The following TBC1D15 variants were observed in gnomAD, a reference collection of about 807,000 sequenced individuals.
TBC1D15 encodes TBC1 domain family member 15.
Under a neutral mutation model 95.4 loss-of-function variants are expected in TBC1D15, and 39 were observed. The observed-to-expected ratio is 0.41, with a 90% confidence interval of 0.32 to 0.53. The LOEUF (loss-of-function observed/expected upper bound fraction) is 0.53, where lower values mean the gene tolerates loss of function less well. TBC1D15 is among the 20% of genes least tolerant of loss of function. The pLI is 0.29. For missense variants in TBC1D15, 733 were observed against 794.3 expected (o/e 0.92, Z 0.93); for synonymous variants, 258 against 261.3 (o/e 0.99, Z 0.12).
intron 11 of TBC1D15, 112 bp downstream of exon 11, chr12:71,907,250 A>C (rs1900946768): frequency 1.6e-6 from 1 of 618,180 alleles, no homozygotes; most frequent in African/African-American, 1.9e-5. Context: ...GTTTTAAGAG[A>C]ATTTGTTCTC....
intron 8 of TBC1D15, 71 bp downstream of exon 8, chr12:71,896,146 C>T (rs1358387703): frequency 4.0e-5 from 50 of 1,265,146 alleles, no homozygotes; most frequent in African/African-American, 1.9e-4. Flanking sequence ...GTTATCGTTA[C>T]TGTTTTGGTG....
chr12:71,859,370 C>T (rs542984537), intron 1 of TBC1D15, among the ~76,000 whole-genome samples: 3 of 152,084 alleles, frequency 2.0e-5, no homozygotes, highest in South Asian at 4.2e-4. Flanking sequence ...GTATAGTTTG[C>T]AGGTATTTTC....
intron 16 of TBC1D15, among the ~76,000 whole-genome samples, chr12:71,922,151 C>T (rs886888635): frequency 1.3e-5 from 2 of 152,160 alleles, no homozygotes. Context: ...GTGGCGTGAC[C>T]TCGGCTCACT....
At chr12:71,889,486 T>C (rs1592768655) in intron 5 of TBC1D15, among the ~76,000 whole-genome samples, 1 of 152,334 alleles carries the variant, frequency 6.6e-6, no homozygotes, top group East Asian at 1.9e-4. Flanking sequence ...AAATATATTA[T>C]GCCATGTAGC....
At chr12:71,849,239 C>A in intron 1 of TBC1D15, 2 of 551,526 alleles carry the variant, frequency 3.6e-6, no homozygotes, top group Non-Finnish European at 3.3e-6. Context: ...TGTTAGGATA[C>A]TCCTGCCTGA....
intron 3 of TBC1D15, among the ~76,000 whole-genome samples, chr12:71,876,177 A>G (rs1414764558): frequency 6.6e-6 from 1 of 152,176 alleles, no homozygotes; most frequent in Non-Finnish European, 1.5e-5. Flanking sequence ...AAGTTTTATT[A>G]TGGAAAACAG....
chr12:71,877,204 G>GTTT (rs775138713), intron 3 of TBC1D15, among the ~76,000 whole-genome samples: 30 of 140,544 alleles, frequency 2.1e-4, no homozygotes, highest in South Asian at 4.7e-4. Context: ...GTGTGTGTGT[G>GTTT]TGTGTGTTTT....
chr12:71,872,871 A>G, intron 2 of TBC1D15, 58 bp from the exon 3 acceptor site: 1 of 1,281,536 alleles, frequency 7.8e-7, no homozygotes. Context: ...AGGGAATAAA[A>G]TAATTAAGAA....
At chr12:71,856,748 T>C (rs1889172627) in intron 1 of TBC1D15, among the ~76,000 whole-genome samples, 1 of 152,166 alleles carries the variant, frequency 6.6e-6, no homozygotes, top group East Asian at 1.9e-4. Flanking sequence ...ATACTACAGA[T>C]TGGGATGCAA....
At chr12:71,875,910 G>C (rs989538192) in intron 3 of TBC1D15, among the ~76,000 whole-genome samples, 8 of 151,952 alleles carry the variant, frequency 5.3e-5, no homozygotes, top group Non-Finnish European at 1.5e-5. Flanking sequence ...CGATTTTTCT[G>C]CCTCAGCCTC....
chr12:71,868,024 T>G (rs1281313768), intron 1 of TBC1D15, among the ~76,000 whole-genome samples: 2 of 152,226 alleles, frequency 1.3e-5, no homozygotes, highest in Non-Finnish European at 2.9e-5. Flanking sequence ...CTATTACAAA[T>G]TAATAAATTT....
chr12:71,876,302 AT>A (rs1232211787), intron 3 of TBC1D15, among the ~76,000 whole-genome samples: 6 of 150,866 alleles, frequency 4.0e-5, no homozygotes, highest in East Asian at 1.9e-4. Flanking sequence ...TAACACTGCT[AT>A]TTTTTTTTCC....
At chr12:71,902,356 C>T (rs1209170318) in intron 10 of TBC1D15, among the ~76,000 whole-genome samples, 1 of 152,190 alleles carries the variant, frequency 6.6e-6, no homozygotes, top group East Asian at 1.9e-4. Context: ...ACTAAAACAG[C>T]ATAGTCCTGG....
intron 12 of TBC1D15, among the ~76,000 whole-genome samples, chr12:71,916,981 AAAT>A (rs1903852012): frequency 1.3e-5 from 2 of 151,602 alleles, no homozygotes; most frequent in African/African-American, 4.9e-5. Flanking sequence ...TTAATTCATT[AAAT>A]AACAACACAT....
At chr12:71,909,345 T>A (rs1901599461) in intron 11 of TBC1D15, among the ~76,000 whole-genome samples, 1 of 152,210 alleles carries the variant, frequency 6.6e-6, no homozygotes, top group South Asian at 2.1e-4. Flanking sequence ...GAGTTTGGCT[T>A]CTTAACCCAT....
intron 5 of TBC1D15, 101 bp downstream of exon 5, chr12:71,885,122 A>G: frequency 9.3e-7 from 1 of 1,078,606 alleles, no homozygotes; most frequent in Non-Finnish European, 1.4e-6. Context: ...ACCTATTTGC[A>G]TATGAGGACA....
At chr12:71,857,804 T>C (rs1889431305) in intron 1 of TBC1D15, among the ~76,000 whole-genome samples, 1 of 152,228 alleles carries the variant, frequency 6.6e-6, no homozygotes, top group African/African-American at 2.4e-5. Flanking sequence ...CCTGTCTAGC[T>C]GTACTTTAGT....
intron 1 of TBC1D15, chr12:71,854,705 C>CT (rs1279281453): frequency 4.6e-5 from 21 of 455,468 alleles, no homozygotes; most frequent in Non-Finnish European, 7.9e-5. Flanking sequence ...ATTAAAGTGT[C>CT]TTTTTTCTTC....
At chr12:71,901,291 G>T (rs1377556323) in intron 10 of TBC1D15, among the ~76,000 whole-genome samples, 1 of 151,976 alleles carries the variant, frequency 6.6e-6, no homozygotes, top group Admixed American at 6.6e-5. Flanking sequence ...CAAAGCATTG[G>T]GATTATAAAT....
Sources: gnomAD v4.1 joint callset for allele counts (sites outside exome capture counted in the v4.1 genomes callset) on GRCh38, gnomAD v4.1.1 for gene constraint, MANE v1.5 for transcripts, NCBI Gene and HGNC (gene_info 2026-07-23, HGNC 2026-07-21) for gene names.